The following ARAP3 variants were observed in gnomAD, a reference collection of about 807,000 sequenced individuals.
The protein encoded by ARAP3 is ArfGAP with RhoGAP domain, ankyrin repeat and PH domain 3, also known as arf-GAP with Rho-GAP domain, ANK repeat and PH domain-containing protein 3.
In ARAP3, 82 loss-of-function variants were observed where a neutral mutation model predicts 169.2. The ratio of observed to expected loss-of-function variants is 0.48; its 90% CI spans 0.41 to 0.58. The LOEUF is 0.58. ARAP3 is among the 20% of genes least tolerant of loss of function. ARAP3 has a pLI of 0.00. For missense variants in ARAP3, 1,764 were observed against 2,018.0 expected (o/e 0.87, Z 2.41); for synonymous variants, 791 against 800.3 (o/e 0.99, Z 0.20).
intron 22 of ARAP3, 99 bp downstream of exon 22, chr5:141,659,680 C>G (rs1362994184): frequency 2.6e-6 from 4 of 1,513,540 alleles, no homozygotes; most frequent in Non-Finnish European, 3.6e-6. Context: ...CACCAGAGGC[C>G]TGGGCTGGGG....
In ARAP3 at chr5:141,670,109, A is replaced by G. The variant is rs780665014; in HGVS notation, c.2108-46T>C. The G allele has an allele frequency of 7.6e-6, 12 of 1,573,802 alleles. No individual in the cohort carries two copies. In the South Asian group the frequency reaches 1.4e-4, roughly 19 times the overall value. On this transcript the variant is annotated intron_variant, in intron 14 of 32. Transcript: ENST00000239440. Reference sequence around the variant, plus strand: ...CAGGGAGCAGCAGACCTCTGCCCCCACTGTCATAGTTCCAGTTTACCAGAT... The same window carrying G: ...CAGGGAGCAGCAGACCTCTGCCCCCGCTGTCATAGTTCCAGTTTACCAGAT...
rs1396689534 is a variant in ARAP3 at position 141,653,801 on chromosome 5, C to A, written c.*149G>T. 3.5e-6 allele frequency: 4 copies of A among 1,134,036 alleles called. No homozygotes were observed. The highest frequency in any genetic ancestry group is 2.0e-5 in the South Asian group (1 of 49,554). 70.2% of individuals were successfully genotyped at this position (1,134,036 alleles called of 1,614,324 possible). ...CCATGACCTGTCCTGGGACACGCAG[C>A]CACTGAAGCCTTTAGTCCAGTGCTC... On this transcript the variant is annotated 3_prime_UTR_variant, in exon 33 of 33. Coordinates refer to ENST00000239440, the MANE Select transcript of ARAP3 (RefSeq NM_022481.6).
chr5:141,678,106 C>A (rs1285637149), intron 4 of ARAP3, among the ~76,000 whole-genome samples: 1 of 152,138 alleles, frequency 6.6e-6, no homozygotes, highest in Non-Finnish European at 1.5e-5. Flanking sequence ...ACCACCACGC[C>A]CGGCTATATT....
intron 24 of ARAP3, 23 bp downstream of exon 24, chr5:141,658,556 C>T (rs377085509): frequency 1.2e-6 from 2 of 1,613,988 alleles, no homozygotes; most frequent in African/African-American, 1.3e-5. Context: ...TCTTATTTCC[C>T]CTCCAGTCCC....
Position 141,673,715 on chromosome 5 carries a change from T to C in ARAP3, c.792A>G (p.Glu264=), listed in dbSNP as rs1194192891. Residue 264 remains glutamate (E), a synonymous_variant, in exon 5 of 33, where the codon GAA becomes GAG. Coordinates refer to ENST00000239440, the MANE Select transcript of ARAP3 (RefSeq NM_022481.6). ...GDSTLLSPTL[E]TEETSDDLIS... The stretch of plus-strand genomic sequence containing the variant: ...TGAGGTCATCACTGGTCTCCTCTGT[T>C]TCCAGGGTGGGCGATAAGAGGGTGG... The C allele has an allele frequency of 1.2e-6, 2 of 1,614,068 alleles. No individual in the cohort carries two copies. Among genetic ancestry groups the C allele is most frequent in the African/African-American group, 2.7e-5 (2 of 74,926 alleles).
Position 141,656,975 on chromosome 5 carries a change from C to CA in ARAP3, c.3527-130dup. On this transcript the variant is annotated intron_variant, in intron 25 of 32. Coordinates refer to ENST00000239440, the MANE Select transcript of ARAP3 (RefSeq NM_022481.6). ...CATTTATTTTTCACTGTCTCTATGC[C>CA]AGGAACTGTGCTGGCCCTGGGATAC... 3 of 1,318,276 alleles carry CA rather than the reference C, an allele frequency of 2.3e-6. No individual in the cohort carries two copies. In the South Asian group the frequency reaches 4.5e-5, roughly 20 times the overall value. 81.7% of individuals were successfully genotyped at this position (1,318,276 alleles called of 1,614,324 possible).
rs3075597 is a variant in ARAP3 at position 141,655,182 on chromosome 5, TACACAC to T, written c.4149+174_4149+179del. On this transcript the variant is annotated intron_variant, in intron 32 of 32. Coordinates refer to ENST00000239440, the MANE Select transcript of ARAP3 (RefSeq NM_022481.6). ...CACACACACACACACCCTGATGGCC[TACACAC>T]ACACACACACACACACACACACACA... Among the ~76,000 whole-genome samples the T allele has an allele frequency of 4.0e-3, 379 of 95,540 alleles. 8 individuals carry two copies. The highest frequency in any genetic ancestry group is 0.011 in the African/African-American group (235 of 21,328). The allele number at this position is 95,540 out of a possible 152,430, so 62.7% of individuals were successfully genotyped here.
Position 141,679,797 on chromosome 5 carries a change from C to A in ARAP3, c.550G>T (p.Ala184Ser), listed in dbSNP as rs1333914097. 2 of 1,613,162 alleles carry A rather than the reference C, an allele frequency of 1.2e-6. No individual in the cohort carries two copies. Among genetic ancestry groups the A allele is most frequent in the Non-Finnish European group, 1.7e-6 (2 of 1,179,744 alleles). Residue 184 changes from alanine (A) to serine (S), a missense_variant, in exon 3 of 33, where the codon GCC becomes TCC. By Grantham distance (99) the Ala-to-Ser change is moderately conservative. Around this residue, in one of 3 missense-constraint regions of ARAP3, gnomAD observed 630 missense variants for 678.7 expected, o/e 0.93. Transcript: ENST00000239440. Reference protein sequence around the residue: ...DKAPDSSQISAPTPALRPTTG... With the variant: ...DKAPDSSQISSPTPALRPTTG... ...GTGGGCCTGAGGGCAGGGGTGGGGG[C>A]AGAGATTTGGGAGCTGTCTGGGGCC... is the stretch of plus-strand genomic sequence containing the variant.
At chr5:141,655,213 A>ACACACACACACC in intron 32 of ARAP3, 149 bp downstream of exon 32, 3 of 593,418 alleles carry the variant, frequency 5.1e-6, no homozygotes, top group Non-Finnish European at 8.4e-6. Flanking sequence ...ACACACACAC[A>ACACACACACACC]CCCTGATGGC....
chr5:141,680,652 C>T (rs1287737327), intron 1 of ARAP3, 149 bp from the exon 2 acceptor site: 2 of 1,234,534 alleles, frequency 1.6e-6, no homozygotes, highest in Non-Finnish European at 2.2e-6. Context: ...CAGAGCCATC[C>T]CAGAACAACA....
chr5:141,666,372 T>C, intron 17 of ARAP3, 52 bp downstream of exon 17: 1 of 1,416,044 alleles, frequency 7.1e-7, no homozygotes, highest in Non-Finnish European at 9.3e-7. Context: ...TCTGCTTCCA[T>C]GCACCCGCAT....
intron 16 of ARAP3, 121 bp from the exon 17 acceptor site, chr5:141,666,764 G>A: frequency 2.1e-6 from 1 of 471,500 alleles, no homozygotes; most frequent in East Asian, 3.5e-5. Context: ...GAAAGCAGAA[G>A]AAAAGCAGGA....
Position 141,671,433 on chromosome 5 carries a change from A to T in ARAP3, c.1855-33T>A, listed in dbSNP as rs369351954. ...GAGGGAAGGGCCTCTGTCAGCCCCA[A>T]ATCCCAAACTGAGAGCACTGGGGAC... On this transcript the variant is annotated intron_variant, in intron 12 of 32. Coordinates refer to ENST00000239440, the MANE Select transcript of ARAP3 (RefSeq NM_022481.6). The surrounding 1 kb of genome is among the most constrained non-coding windows in gnomAD (Gnocchi z 4.9). 4.1e-5 allele frequency: 66 copies of T among 1,596,876 alleles called. No homozygotes were observed. In the African/African-American group the frequency reaches 7.5e-4, roughly 18 times the overall value.
Position 141,666,073 on chromosome 5 carries a change from TAAC to T in ARAP3, c.2572+348_2572+350del, listed in dbSNP as rs1454426499. On this transcript the variant is annotated intron_variant, in intron 17 of 32. Transcript: ENST00000239440. ...AAAAAAATAATAATAATAATAATAA[TAAC>T]AACATTTATTGAGCACTTAAAAAAT... Among the ~76,000 whole-genome samples, 759 of 143,182 alleles carry T rather than the reference TAAC, an allele frequency of 5.3e-3. 31 individuals are homozygous for T. The highest frequency in any genetic ancestry group is 0.025 in the Middle Eastern group (7 of 284). The allele number at this position is 143,182 out of a possible 152,430, so 93.9% of individuals were successfully genotyped here.
chr5:141,661,114 A>G (rs1440917254), intron 21 of ARAP3, among the ~76,000 whole-genome samples: 2 of 138,410 alleles, frequency 1.4e-5, no homozygotes, highest in Non-Finnish European at 3.0e-5. Context: ...CCCAGGCTGG[A>G]GTGAAGTGGT....
chr5:141,678,023 C>A (rs1325291175), intron 4 of ARAP3, among the ~76,000 whole-genome samples: 1 of 151,744 alleles, frequency 6.6e-6, no homozygotes, highest in African/African-American at 2.4e-5. Context: ...CCTTTGCTCA[C>A]TGCAAGCTCC....
chr5:141,656,250 A>G lies in ARAP3; in HGVS notation c.3816T>C (p.Pro1272=), dbSNP rs2099909260. Residue 1272 remains proline (P), a synonymous_variant, in exon 28 of 33, where the codon CCT becomes CCC. Transcript: ENST00000239440. ...CCAGGTAGACCTTGGCACCTTCCAA[A>G]GGCCACTCCCGTTCTGGTTTAGAGC... is the stretch of plus-strand genomic sequence containing the variant. The part of the protein sequence containing the change: ...KKSSKPEREW[P]LEGAKVYLGI... 5.6e-6 allele frequency: 9 copies of G among 1,614,174 alleles called. No homozygotes were observed. The East Asian group carries it at 2.0e-4, about 36-fold the overall frequency.
chr5:141,673,661 C>G lies in ARAP3; in HGVS notation c.846G>C (p.Thr282=), dbSNP rs528389370. ...TGAGCAGGGGCGTGAGGCGGTCTGCCGTGAAGGAGAAGCTGGCATAGGGTG... is the reference window on the plus strand; with the variant it reads ...TGAGCAGGGGCGTGAGGCGGTCTGCGGTGAAGGAGAAGCTGGCATAGGGTG... ...LISPYASFSF[T]ADRLTPLLSG... is the part of the protein sequence containing the mutation. The change falls in exon 5 of 33, where the codon ACG becomes ACC. Residue 282 remains threonine, a synonymous_variant. Coordinates refer to ENST00000239440, the MANE Select transcript of ARAP3 (RefSeq NM_022481.6). 1 of 1,614,206 alleles carries G rather than the reference C, an allele frequency of 6.2e-7. No homozygotes were observed.
chr5:141,658,831 G>C (rs2099909558), intron 23 of ARAP3, among the ~76,000 whole-genome samples, 178 bp from the exon 24 acceptor site: 1 of 152,136 alleles, frequency 6.6e-6, no homozygotes, highest in African/African-American at 2.4e-5. Flanking sequence ...TGCATCTTTA[G>C]GCTGCACATG....
Sources: allele counts gnomAD v4.1 joint callset (sites outside exome capture counted in the v4.1 genomes callset), GRCh38; gene constraint gnomAD v4.1.1; regional missense constraint gnomAD v4.1.1; non-coding constraint Gnocchi (gnomAD v3.1); transcripts MANE v1.5; gene names NCBI Gene and HGNC (gene_info 2026-07-23, HGNC 2026-07-21).